Variants in SGF29 observed in about 807,000 individuals in gnomAD.
The protein encoded by SGF29 is SAGA complex associated factor 29, also known as SAGA-associated factor 29.
A neutral mutation model predicts 38.1 loss-of-function variants in SGF29; 15 were observed. That is an observed-to-expected ratio of 0.39 (90% CI 0.26 to 0.61). The LOEUF (loss-of-function observed/expected upper bound fraction) is 0.61. SGF29 is among the 20% of genes least tolerant of loss of function. The probability of loss-of-function intolerance (pLI) is 0.49; values close to 1 mark genes in which losing one functional copy is unlikely to be tolerated. For synonymous variants in SGF29, 151 were observed against 160.8 expected (o/e 0.94, Z 0.46); for missense variants, 184 against 394.6 (o/e 0.47, Z 4.52).
At chr16:28,579,295 G>A (rs2151649815) in intron 1 of SGF29, among the ~76,000 whole-genome samples, 1 of 123,754 alleles carries the variant, frequency 8.1e-6, no homozygotes, top group East Asian at 2.3e-4. Context: ...GTCTCACTCT[G>A]TCGCCAGGCT....
intron 2 of SGF29, among the ~76,000 whole-genome samples, chr16:28,581,598 C>T (rs1025647644): frequency 2.6e-5 from 4 of 151,846 alleles, no homozygotes; most frequent in East Asian, 4.0e-4. Context: ...TGCGGTGGCG[C>T]GATCTCAGCT....
intron 4 of SGF29, chr16:28,588,730 C>T: frequency 2.7e-6 from 1 of 364,926 alleles, no homozygotes; most frequent in Non-Finnish European, 5.4e-6. Context: ...GCCACCACAC[C>T]TGGCTAAGTT....
rs1346098249 is a variant in SGF29, at chr16:28,564,724, T to C, written c.-16+10627T>C. ...ATATATATACATATATATGTATATA[T>C]ATACATATATATGTATATATGTATA... On this transcript the variant is annotated intron_variant, in intron 1 of 9. Transcript: ENST00000317058. Among the ~76,000 whole-genome samples the C allele has an allele frequency of 5.0e-5, 4 of 79,506 alleles. No individual in the cohort carries two copies. In the East Asian group the frequency reaches 8.3e-4, roughly 17 times the overall value. 52.2% of individuals were successfully genotyped at this position (79,506 alleles called of 152,430 possible). A position where few individuals can be genotyped will look rare whatever the true frequency, so the allele number is the denominator to read the frequency against.
At chr16:28,587,877 G>A (rs938949562) in intron 4 of SGF29, among the ~76,000 whole-genome samples, 1 of 152,142 alleles carries the variant, frequency 6.6e-6, no homozygotes, top group East Asian at 1.9e-4. Flanking sequence ...TCGGCTCACT[G>A]CAAGCTCTGC....
chr16:28,584,873 A>AAAGGGCCAC (rs2046947343), intron 2 of SGF29, 40 bp from the exon 3 acceptor site: 1 of 1,537,226 alleles, frequency 6.5e-7, no homozygotes, highest in African/African-American at 1.4e-5. Flanking sequence ...ACAGCAGCAC[A>AAAGGGCCAC]AAGGGCCACC....
rs1248306748 is a variant in SGF29 at position 28,589,094 on chromosome 16, C to T, written c.225-6C>T. The T allele has an allele frequency of 6.2e-7, 1 of 1,614,134 alleles. No individual in the cohort carries two copies. Among genetic ancestry groups the T allele is most frequent in the East Asian group, 2.2e-5 (1 of 44,888 alleles). Reference sequence around the variant, plus strand: ...AACCCTCTTTCTCCCTTCTCCCCGCCCTCAGCATCCTTCGGAAAGCTCTGG... The same window carrying T: ...AACCCTCTTTCTCCCTTCTCCCCGCTCTCAGCATCCTTCGGAAAGCTCTGG... On this transcript the variant is annotated splice_region_variant and splice_polypyrimidine_tract_variant and intron_variant, in intron 4 of 9. Transcript: ENST00000317058.
At chr16:28,571,798 G>C (rs1325956652) in intron 1 of SGF29, among the ~76,000 whole-genome samples, 1 of 151,966 alleles carries the variant, frequency 6.6e-6, no homozygotes, top group Non-Finnish European at 1.5e-5. Flanking sequence ...GGGAAGGAGA[G>C]AGCTGGGGTG....
At chr16:28,563,824 G>A (rs1489769931) in intron 1 of SGF29, among the ~76,000 whole-genome samples, 1 of 149,750 alleles carries the variant, frequency 6.7e-6, no homozygotes, top group African/African-American at 2.5e-5. Context: ...GGGTTCAAGC[G>A]ATTCTCCTGC....
intron 1 of SGF29, among the ~76,000 whole-genome samples, chr16:28,578,935 C>T (rs930875346): frequency 5.9e-5 from 9 of 151,990 alleles, no homozygotes; most frequent in African/African-American, 2.2e-4. Context: ...GAGCAAGACT[C>T]TATCTCAAAA....
intron 1 of SGF29, among the ~76,000 whole-genome samples, chr16:28,570,595 G>A (rs961195436): frequency 7.9e-5 from 10 of 126,980 alleles, no homozygotes; most frequent in Non-Finnish European, 1.6e-4. Context: ...TTTATTTAGC[G>A]AGAGAGTGAG....
intron 1 of SGF29, among the ~76,000 whole-genome samples, chr16:28,558,339 C>T (rs2046765692): frequency 6.6e-6 from 1 of 151,698 alleles, no homozygotes; most frequent in Non-Finnish European, 1.5e-5. Context: ...TGGTCTTGAC[C>T]TCTTGACCTC....
chr16:28,580,267 G>A (rs2046917658), intron 1 of SGF29, among the ~76,000 whole-genome samples: 1 of 152,134 alleles, frequency 6.6e-6, no homozygotes, highest in Non-Finnish European at 1.5e-5. Context: ...AGGATAGCTT[G>A]CCACTGTATT....
At chr16:28,564,766 TATATATGTATATATATATATACAC>T (rs1160841950) in intron 1 of SGF29, among the ~76,000 whole-genome samples, 4 of 59,806 alleles carry the variant, frequency 6.7e-5, no homozygotes, top group Admixed American at 2.2e-4. Context: ...TATATATGTA[TATATATGTATATATATATATACAC>T]ACACACACAC....
chr16:28,568,399 A>G (rs1044883735), intron 1 of SGF29, among the ~76,000 whole-genome samples: 1 of 151,918 alleles, frequency 6.6e-6, no homozygotes, highest in African/African-American at 2.4e-5. Flanking sequence ...CTGGCTATAC[A>G]TTGTTGAACT....
intron 1 of SGF29, among the ~76,000 whole-genome samples, chr16:28,560,466 G>A (rs902146845): frequency 2.0e-5 from 3 of 151,360 alleles, no homozygotes; most frequent in South Asian, 2.1e-4. Flanking sequence ...GCGCACACCT[G>A]TAATCCCAGC....
chr16:28,565,614 C>T (rs974182712), intron 1 of SGF29, among the ~76,000 whole-genome samples: 1 of 152,134 alleles, frequency 6.6e-6, no homozygotes, highest in Non-Finnish European at 1.5e-5. Flanking sequence ...TCTCCTGCCT[C>T]AGCCTCTAGA....
intron 1 of SGF29, among the ~76,000 whole-genome samples, chr16:28,559,360 G>A (rs963233399): frequency 4.7e-5 from 7 of 149,264 alleles, no homozygotes; most frequent in South Asian, 4.2e-4. Context: ...TATGGCATGC[G>A]AATTATCTTC....
chr16:28,586,991 G>A (rs1041092742), intron 4 of SGF29, among the ~76,000 whole-genome samples: 1 of 152,010 alleles, frequency 6.6e-6, no homozygotes. Flanking sequence ...GGGACAATAG[G>A]CACCTGCCAC....
In SGF29 at chr16:28,591,656, A is replaced by G; in HGVS notation, c.832A>G (p.Asn278Asp). ...SYADGYSPPL[N>D]VAQRYVVACK... ...TGCAGATGGCTATTCCCCTCCCCTC[A>G]ATGTGGCTCAGAGATACGTGGTGGC... Residue 278 changes from asparagine to aspartate, a missense_variant, in exon 10 of 10, where the codon AAT (asparagine) becomes GAT (aspartate). Physicochemically the swap from Asn to Asp is conservative, Grantham distance 23. This residue lies in a region of SGF29 where 107 missense variants were observed against 276.9 expected (regional missense o/e 0.39). Coordinates refer to ENST00000317058, the MANE Select transcript of SGF29 (RefSeq NM_138414.3). The G allele has an allele frequency of 6.2e-7, 1 of 1,614,020 alleles. No homozygotes were observed. Among genetic ancestry groups the G allele is most frequent in the Non-Finnish European group, 8.5e-7 (1 of 1,179,956 alleles).
Sources: gnomAD v4.1 joint callset for allele counts (sites outside exome capture counted in the v4.1 genomes callset) on GRCh38, gnomAD v4.1.1 for gene constraint, gnomAD v4.1.1 regional missense constraint, MANE v1.5 for transcripts, NCBI Gene and HGNC (gene_info 2026-07-23, HGNC 2026-07-21) for gene names.